The following CEP85L variants were observed in gnomAD, a reference collection of about 807,000 sequenced individuals.
CEP85L encodes centrosomal protein 85L, also known as centrosomal protein of 85 kDa-like.
Under a neutral mutation model 100.3 loss-of-function variants are expected in CEP85L, and 60 were observed. That is an observed-to-expected ratio of 0.60 (90% CI 0.49 to 0.74). The LOEUF (loss-of-function observed/expected upper bound fraction) is 0.74, where lower values mean the gene tolerates loss of function less well. Ranked by LOEUF, CEP85L falls within the 30% of genes least tolerant of loss-of-function variation. CEP85L has a pLI of 0.00. For missense variants in CEP85L, 973 were observed against 936.2 expected, an observed-to-expected ratio of 1.04 and a Z score of -0.51; for synonymous variants, 319 against 322.7, an observed-to-expected ratio of 0.99 and a Z score of 0.12.
At chr6:118,465,963 A>C (rs1447227173) in intron 12 of CEP85L, among the ~76,000 whole-genome samples, 6 of 152,166 alleles carry the variant, frequency 3.9e-5, no homozygotes, top group African/African-American at 1.2e-4. Context: ...TACGACTGCA[A>C]AGTGGGTTTA....
intron 2 of CEP85L, among the ~76,000 whole-genome samples, chr6:118,622,901 C>G (rs1024723462): frequency 2.6e-5 from 4 of 152,098 alleles, no homozygotes; most frequent in Non-Finnish European, 5.9e-5. Flanking sequence ...TTAGAAGTGC[C>G]CATGGAAGGA....
chr6:118,600,055 A>C (rs1279040971), intron 2 of CEP85L, among the ~76,000 whole-genome samples: 2 of 151,102 alleles, frequency 1.3e-5, no homozygotes, highest in Non-Finnish European at 3.0e-5. Flanking sequence ...AAATGTGTAC[A>C]TATAGGAGTC....
chr6:118,672,745 A>G (rs1776347839), intron 1 of CEP85L, among the ~76,000 whole-genome samples: 1 of 152,132 alleles, frequency 6.6e-6, no homozygotes, highest in Non-Finnish European at 1.5e-5. Context: ...CAACCTGGGC[A>G]ACAAAGTGAG....
chr6:118,637,667 C>CT (rs947062517), intron 1 of CEP85L, among the ~76,000 whole-genome samples: 8 of 128,398 alleles, frequency 6.2e-5, no homozygotes, highest in Non-Finnish European at 1.2e-4. Flanking sequence ...GATCATGCCA[C>CT]TACACTCCAG....
intron 2 of CEP85L, among the ~76,000 whole-genome samples, chr6:118,568,802 T>C (rs1017374959): frequency 1.3e-5 from 2 of 152,138 alleles, no homozygotes; most frequent in African/African-American, 4.8e-5. Flanking sequence ...TGGTTCTAAA[T>C]AGAAACAGGA....
At chr6:118,528,232 G>A (rs891801437) in intron 3 of CEP85L, among the ~76,000 whole-genome samples, 1 of 144,296 alleles carries the variant, frequency 6.9e-6, no homozygotes, top group African/African-American at 2.6e-5. Context: ...TTTTTTTAAC[G>A]TTTCTTGGCA....
At chr6:118,524,955 AAT>A (rs1776879608) in intron 3 of CEP85L, among the ~76,000 whole-genome samples, 2 of 152,202 alleles carry the variant, frequency 1.3e-5, no homozygotes, top group Admixed American at 1.3e-4. Context: ...CCTGGAAATC[AAT>A]CTGTGAGGTG....
chr6:118,494,827 A>G (rs1183073641), intron 5 of CEP85L, among the ~76,000 whole-genome samples: 1 of 152,216 alleles, frequency 6.6e-6, no homozygotes, highest in Non-Finnish European at 1.5e-5. Flanking sequence ...GAGACCACAA[A>G]GCATCAGACA....
upstream of CEP85L, chr6:118,652,477 A>G: frequency 1.5e-6 from 2 of 1,309,330 alleles, no homozygotes; most frequent in Non-Finnish European, 1.9e-6. Flanking sequence ...CTGGGCCAGC[A>G]CTGTGGTGGG....
chr6:118,492,608 G>A (rs1774648749), intron 5 of CEP85L, among the ~76,000 whole-genome samples: 1 of 152,122 alleles, frequency 6.6e-6, no homozygotes, highest in Non-Finnish European at 1.5e-5. Context: ...ATCAGCATGT[G>A]GTTAAGTGCT....
rs1470410352 is a variant in CEP85L at position 118,558,800 on chromosome 6, T to C, written c.1020+6729A>G. 5.4e-6 allele frequency: 4 copies of C among 734,402 alleles called. No individual in the cohort carries two copies. In the Admixed American group the frequency reaches 8.1e-5, roughly 15 times the overall value. 45.5% of individuals were successfully genotyped at this position (734,402 alleles called of 1,614,324 possible). On this transcript the variant is annotated intron_variant, in intron 3 of 12. Transcript: ENST00000368491. ...GGATAGGTTACATAGATGATTCTAA[T>C]CCATTTATTATTTTTACATTCCAGG... is the stretch of plus-strand genomic sequence containing the variant.
At chr6:118,634,213 G>T (rs1327807452) in intron 1 of CEP85L, among the ~76,000 whole-genome samples, 5 of 151,398 alleles carry the variant, frequency 3.3e-5, no homozygotes, top group Non-Finnish European at 7.4e-5. Context: ...AAACATAAGG[G>T]TAACAAAACA....
rs190837075 is a variant in CEP85L, at chr6:118,676,568, C to T, written c.-27-23760G>A. Among the ~76,000 whole-genome samples, 153 of 152,340 alleles carry T rather than the reference C, an allele frequency of 1.0e-3. 1 individual carries two copies. Among genetic ancestry groups the T allele is most frequent in the Non-Finnish European group, 1.9e-3 (126 of 68,026 alleles). On this transcript the variant is annotated intron_variant, in intron 1 of 13. Coordinates refer to the CEP85L transcript ENST00000368488. ...GGTATTCCATCATGCTTATATACCA[C>T]ATTTTCATTATTCATTCACCCACTG... is the stretch of plus-strand genomic sequence containing the variant.
In CEP85L at chr6:118,464,485, G is replaced by C. The variant is rs1197499185; in HGVS notation, c.*920C>G. The C allele has an allele frequency of 6.6e-6, 1 of 152,018 alleles. No individual in the cohort carries two copies. The highest frequency in any genetic ancestry group is 1.5e-5 in the Non-Finnish European group (1 of 67,992). The allele number at this position is 152,018 out of a possible 1,614,324, so 9.4% of individuals were successfully genotyped here. On this transcript the variant is annotated 3_prime_UTR_variant, in exon 13 of 13. Transcript: ENST00000368491. ...AAAACTGTTAAAATGTAAATGTTGA[G>C]ATTTGGATAAGTAAGCTATTGTTCC...
chr6:118,524,401 G>A (rs1168642582), intron 3 of CEP85L, among the ~76,000 whole-genome samples: 3 of 152,132 alleles, frequency 2.0e-5, no homozygotes, highest in Non-Finnish European at 4.4e-5. Context: ...CCGAGATCAC[G>A]CCACTGCACT....
At chr6:118,612,810 C>G (rs1583166561) in intron 2 of CEP85L, among the ~76,000 whole-genome samples, 1 of 150,910 alleles carries the variant, frequency 6.6e-6, no homozygotes, top group Admixed American at 6.6e-5. Flanking sequence ...AAATTGAAAA[C>G]AGAAAACAAA....
intron 2 of CEP85L, among the ~76,000 whole-genome samples, chr6:118,607,938 C>A (rs1411746250): frequency 6.6e-6 from 1 of 152,098 alleles, no homozygotes; most frequent in East Asian, 1.9e-4. Context: ...AGGTCCTGAT[C>A]CAGACCCCAA....
chr6:118,495,124 G>GAA (rs891190530), intron 5 of CEP85L, among the ~76,000 whole-genome samples: 1 of 140,396 alleles, frequency 7.1e-6, no homozygotes. Flanking sequence ...CTGAAAAAGA[G>GAA]AAAAAAAAAA....
At chr6:118,572,705 G>C (rs985503408) in intron 2 of CEP85L, among the ~76,000 whole-genome samples, 1 of 152,078 alleles carries the variant, frequency 6.6e-6, no homozygotes, top group East Asian at 1.9e-4. Context: ...GAGTCTCCTA[G>C]GAATGTATCA....
Sources: gnomAD v4.1 joint callset for allele counts (sites outside exome capture counted in the v4.1 genomes callset) on GRCh38, gnomAD v4.1.1 for gene constraint, MANE v1.5 for transcripts, NCBI Gene and HGNC (gene_info 2026-07-23, HGNC 2026-07-21) for gene names.